The following ATAD2B variants were observed in gnomAD, a reference collection of about 807,000 sequenced individuals.
The protein encoded by ATAD2B is ATPase family AAA domain-containing protein 2B.
ATAD2B carries 40 observed loss-of-function variants against 167.6 expected under a neutral mutation model. The ratio of observed to expected loss-of-function variants is 0.24; its 90% CI spans 0.19 to 0.31. The LOEUF (loss-of-function observed/expected upper bound fraction) is 0.31. ATAD2B is among the 10% of genes least tolerant of loss of function. The probability of loss-of-function intolerance (pLI) is 1.00; values close to 1 mark genes in which losing one functional copy is unlikely to be tolerated. For synonymous variants in ATAD2B, 579 were observed against 596.5 expected, an observed-to-expected ratio of 0.97 and a Z score of 0.43; for missense variants, 1,242 against 1,757.2, an observed-to-expected ratio of 0.71 and a Z score of 5.24.
At chr2:23,853,311 A>G (rs1278382441) in intron 13 of ATAD2B, among the ~76,000 whole-genome samples, 1 of 152,260 alleles carries the variant, frequency 6.6e-6, no homozygotes, top group Non-Finnish European at 1.5e-5. Context: ...GATAAGGTAT[A>G]TGTATAAAAC....
intron 19 of ATAD2B, among the ~76,000 whole-genome samples, chr2:23,792,067 C>CTT (rs140695924): frequency 1.0e-4 from 15 of 145,372 alleles, no homozygotes; most frequent in African/African-American, 1.3e-4. Flanking sequence ...TAACAGCCAT[C>CTT]TTTTTTTTTT....
chr2:23,748,675 T>A lies in ATAD2B; in HGVS notation c.*3371A>T, dbSNP rs937630522. The stretch of plus-strand genomic sequence containing the variant: ...GCTAAAGAAAGACATGTTTTTCTTG[T>A]CATCTTTATTCAAGTATTTCACAGC... On this transcript the variant is annotated 3_prime_UTR_variant, in exon 28 of 28. Coordinates refer to ENST00000238789, the MANE Select transcript of ATAD2B (RefSeq NM_017552.4). The A allele has an allele frequency of 6.6e-6, 1 of 152,214 alleles. No homozygotes were observed. Among genetic ancestry groups the A allele is most frequent in the Admixed American group, 6.5e-5 (1 of 15,274 alleles). 9.4% of individuals were successfully genotyped at this position (152,214 alleles called of 1,614,324 possible). A position where few individuals can be genotyped will look rare whatever the true frequency, so the allele number is the denominator to read the frequency against.
At chr2:23,903,234 TCAAAAATA>T (rs1369682547) in intron 1 of ATAD2B, among the ~76,000 whole-genome samples, 1 of 58,944 alleles carries the variant, frequency 1.7e-5, no homozygotes, top group East Asian at 3.5e-4. Context: ...AGACTGTGTC[TCAAAAATA>T]AATAAATAAA....
chr2:23,856,103 T>A (rs1378174707), intron 13 of ATAD2B: 1 of 150,980 alleles, frequency 6.6e-6, no homozygotes, highest in African/African-American at 2.5e-5. Context: ...GCAGGAGAAC[T>A]GCTTGAACCC....
chr2:23,811,994 G>C (rs1421860668), intron 17 of ATAD2B, among the ~76,000 whole-genome samples: 1 of 151,962 alleles, frequency 6.6e-6, no homozygotes, highest in Non-Finnish European at 1.5e-5. Context: ...AACTTGACTT[G>C]TAATTTCGAG....
At chr2:23,701,280 G>A in the ATAD2B span, among the ~76,000 whole-genome samples, 2 of 151,976 alleles carry the variant, frequency 1.3e-5, no homozygotes, top group African/African-American at 2.4e-5. Context: ...AGCCACTGTC[G>A]CATCTCACCA....
At chr2:23,774,273 G>A (rs1276263566) in intron 22 of ATAD2B, among the ~76,000 whole-genome samples, 1 of 152,122 alleles carries the variant, frequency 6.6e-6, no homozygotes, top group Non-Finnish European at 1.5e-5. Flanking sequence ...AACCTAGCAA[G>A]ATCCCATCTC....
At chr2:23,744,519 G>C (rs887282784), downstream of ATAD2B, among the ~76,000 whole-genome samples, 2 of 152,142 alleles carry the variant, frequency 1.3e-5, no homozygotes, top group African/African-American at 2.4e-5. Flanking sequence ...CACTTACTAT[G>C]TGCCTGGTAC....
At chr2:23,766,014 C>T (rs1054390159) in intron 22 of ATAD2B, among the ~76,000 whole-genome samples, 10 of 152,022 alleles carry the variant, frequency 6.6e-5, no homozygotes, top group Non-Finnish European at 1.2e-4. Context: ...ATTAGGAATT[C>T]AAAAAAATCT....
chr2:23,847,227 T>C (rs1326391374), intron 13 of ATAD2B, among the ~76,000 whole-genome samples: 1 of 147,558 alleles, frequency 6.8e-6, no homozygotes, highest in Non-Finnish European at 1.5e-5. Flanking sequence ...AAAAAGTGGC[T>C]GGGCGCTTTG....
intron 18 of ATAD2B, among the ~76,000 whole-genome samples, chr2:23,803,896 T>C (rs1393100843): frequency 6.6e-6 from 1 of 152,210 alleles, no homozygotes; most frequent in Admixed American, 6.5e-5. Context: ...ACTTAATTTA[T>C]ATTAAGCATT....
intron 12 of ATAD2B, 35 bp from the exon 13 acceptor site, chr2:23,857,538 T>G: frequency 2.0e-6 from 2 of 1,023,748 alleles, no homozygotes; most frequent in Non-Finnish European, 2.7e-6. Flanking sequence ...TTTATTGTAT[T>G]TGTTTTCATT....
At chr2:23,685,693 G>T in the ATAD2B span, among the ~76,000 whole-genome samples, 2 of 152,152 alleles carry the variant, frequency 1.3e-5, no homozygotes, top group African/African-American at 4.8e-5. Flanking sequence ...GACACCTCAG[G>T]TCTCCTGCCC....
chr2:23,754,123 T>C (rs1558484840), intron 27 of ATAD2B, 56 bp downstream of exon 27: 7 of 1,392,582 alleles, frequency 5.0e-6, no homozygotes, highest in Non-Finnish European at 1.9e-6. Flanking sequence ...TCCTCTTTTC[T>C]TTGGAACAAG....
intron 12 of ATAD2B, among the ~76,000 whole-genome samples, chr2:23,862,401 G>GTTTTTTTTTA (rs1694521774): frequency 1.0e-5 from 1 of 99,408 alleles, no homozygotes; most frequent in Admixed American, 1.3e-4. Context: ...ATTTGGACTG[G>GTTTTTTTTTA]TTTTTTTTTT....
the ATAD2B span, among the ~76,000 whole-genome samples, chr2:23,742,570 G>T: frequency 1.8e-5 from 2 of 111,452 alleles, no homozygotes; most frequent in East Asian, 3.3e-4. Context: ...GGGGGGAGGG[G>T]GGAGGGATAG....
chr2:23,776,372 T>C (rs563814523), intron 22 of ATAD2B, among the ~76,000 whole-genome samples: 19 of 152,202 alleles, frequency 1.2e-4, no homozygotes, highest in Non-Finnish European at 2.4e-4. Context: ...TTAACTGATG[T>C]TCCAACCTCC....
At chr2:23,752,219 T>C in intron 27 of ATAD2B, 132 bp from the exon 28 acceptor site, 1 of 677,730 alleles carries the variant, frequency 1.5e-6, no homozygotes, top group Non-Finnish European at 2.6e-6. Context: ...ATTTTCCTGA[T>C]TATAATACCA....
rs757140742 is a variant in ATAD2B at position 23,885,799 on chromosome 2, G to A, written c.603C>T (p.Asp201=). ...GACGATTCCGTCGGATGTTAATGTT[G>A]TCCATTTCCTGTAGTACAGCTTCAG... ...STAEAVLQEM[D]NINIRRNRRS... Residue 201 remains aspartate, a synonymous_variant, in exon 5 of 28, where the codon GAC becomes GAT. Coordinates refer to ENST00000238789, the MANE Select transcript of ATAD2B (RefSeq NM_017552.4). 2 of 1,593,280 alleles carry A rather than the reference G, an allele frequency of 1.3e-6. No individual in the cohort carries two copies. Among genetic ancestry groups the A allele is most frequent in the South Asian group, 1.1e-5 (1 of 87,856 alleles).
Sources: gnomAD v4.1 joint callset for allele counts (sites outside exome capture counted in the v4.1 genomes callset) on GRCh38, gnomAD v4.1.1 for gene constraint, MANE v1.5 for transcripts, NCBI Gene and HGNC (gene_info 2026-07-23, HGNC 2026-07-21) for gene names.